ARHGAP15: variants seen among roughly 807,000 people sequenced by gnomAD.
ARHGAP15 encodes the protein Rho GTPase activating protein 15.
ARHGAP15 carries 51 observed loss-of-function variants against 63.7 expected under a neutral mutation model. The ratio of observed to expected loss-of-function variants is 0.80; its 90% CI spans 0.64 to 1.01. The LOEUF (loss-of-function observed/expected upper bound fraction) is 1.01. Among genes scored for constraint, ARHGAP15 ranks in the 50% least tolerant of loss-of-function variants. The pLI is 0.00. For missense variants in ARHGAP15, 560 were observed against 564.6 expected (o/e 0.99, Z 0.08); for synonymous variants, 191 against 193.8 (o/e 0.99, Z 0.12).
In ARHGAP15 at chr2:143,518,138, G is replaced by A. The variant is rs191506434; in HGVS notation, c.827-1128G>A. 2.1e-3 allele frequency among the ~76,000 whole-genome samples: 315 copies of A among 152,250 alleles called. 1 individual carries two copies. The highest frequency in any genetic ancestry group is 6.8e-3 in the Middle Eastern group (2 of 294). ...CATTGTGAATGTACTTAATGCCACC[G>A]AGTGGTACATTTAAAAATGGTGGAA... On this transcript the variant is annotated intron_variant, in intron 9 of 13. Transcript: ENST00000295095.
chr2:143,668,822 A>T (rs577100961), intron 12 of ARHGAP15, among the ~76,000 whole-genome samples: 1 of 152,222 alleles, frequency 6.6e-6, no homozygotes, highest in African/African-American at 2.4e-5. Flanking sequence ...ATTCTCCATA[A>T]AATCAAGGAT....
intron 6 of ARHGAP15, among the ~76,000 whole-genome samples, chr2:143,294,062 T>C (rs1334125646): frequency 6.6e-6 from 1 of 152,074 alleles, no homozygotes; most frequent in Admixed American, 6.6e-5. Context: ...TGATAAATGA[T>C]CATCTCCTCT....
chr2:143,654,683 C>T (rs539852271), intron 12 of ARHGAP15, among the ~76,000 whole-genome samples: 1 of 152,114 alleles, frequency 6.6e-6, no homozygotes, highest in Non-Finnish European at 1.5e-5. Flanking sequence ...CTAGTGTCAC[C>T]GTTTTGAACT....
chr2:143,554,712 A>C (rs1187015779), intron 10 of ARHGAP15, among the ~76,000 whole-genome samples: 1 of 152,154 alleles, frequency 6.6e-6, no homozygotes, highest in Non-Finnish European at 1.5e-5. Flanking sequence ...TAAGACCAAA[A>C]TAGACCAATA....
chr2:143,747,544 C>T (rs139658001), intron 13 of ARHGAP15, among the ~76,000 whole-genome samples: 1 of 152,252 alleles, frequency 6.6e-6, no homozygotes, highest in African/African-American at 2.4e-5. Flanking sequence ...ATTCCTCCCT[C>T]CCTCCCCAAA....
intron 5 of ARHGAP15, among the ~76,000 whole-genome samples, chr2:143,234,756 C>A (rs1193097187): frequency 6.6e-6 from 1 of 152,100 alleles, no homozygotes; most frequent in Non-Finnish European, 1.5e-5. Flanking sequence ...CTCCATTATT[C>A]TGGGTTTGAT....
intron 9 of ARHGAP15, among the ~76,000 whole-genome samples, chr2:143,510,674 G>A (rs1340187324): frequency 6.6e-6 from 1 of 152,124 alleles, no homozygotes; most frequent in East Asian, 1.9e-4. Flanking sequence ...TTTTTCCGTT[G>A]CTTGCAGCCA....
chr2:143,502,681 G>A lies in ARHGAP15; in HGVS notation c.826+15186G>A, dbSNP rs145553525. On this transcript the variant is annotated intron_variant, in intron 9 of 13. Transcript: ENST00000295095. ...TGCAACCTCCGTCTCCCAGGTTCAA[G>A]CAATTCTCCTGCCTCAGTCTCCTGG... 4.1e-3 allele frequency among the ~76,000 whole-genome samples: 622 copies of A among 152,092 alleles called. 4 individuals are homozygous for A. The highest frequency in any genetic ancestry group is 0.014 in the African/African-American group (589 of 41,516).
At chr2:143,759,324 C>A (rs1169915459) in intron 13 of ARHGAP15, among the ~76,000 whole-genome samples, 1 of 152,050 alleles carries the variant, frequency 6.6e-6, no homozygotes, top group East Asian at 1.9e-4. Context: ...AAGCATATGG[C>A]ACAATTCATT....
At chr2:143,724,319 C>A (rs993855997) in intron 13 of ARHGAP15, among the ~76,000 whole-genome samples, 1 of 152,134 alleles carries the variant, frequency 6.6e-6, no homozygotes, top group Non-Finnish European at 1.5e-5. Flanking sequence ...GTTACAATAC[C>A]TAATACCTCA....
chr2:143,151,347 T>C (rs1689809603), intron 1 of ARHGAP15, among the ~76,000 whole-genome samples: 1 of 152,008 alleles, frequency 6.6e-6, no homozygotes, highest in South Asian at 2.1e-4. Flanking sequence ...GAATGCAATG[T>C]TAATGTCCCA....
intron 2 of ARHGAP15, among the ~76,000 whole-genome samples, chr2:143,185,418 T>TA (rs199876395): frequency 0.017 from 2,534 of 152,340 alleles, 95 homozygotes; most frequent in African/African-American, 0.058. Flanking sequence ...GATTGGTTTT[T>TA]AATCTCTGAT....
chr2:143,291,598 G>A (rs958091631), intron 6 of ARHGAP15, among the ~76,000 whole-genome samples: 1 of 152,068 alleles, frequency 6.6e-6, no homozygotes. Context: ...AGCAGGCCAG[G>A]AGGCAGTGTG....
In ARHGAP15 at chr2:143,268,045, C is replaced by T. The variant is rs1681083349; in HGVS notation, c.474+17445C>T. On this transcript the variant is annotated intron_variant, in intron 6 of 13. Transcript: ENST00000295095. ...TGAGGCATAAACCTCATTTTTAATG[C>T]TCTAGATTTGTTACAACAAGTAAAA... Among the ~76,000 whole-genome samples the T allele has an allele frequency of 2.6e-5, 4 of 152,098 alleles. 1 individual carries two copies. The highest frequency in any genetic ancestry group is 2.6e-4 in the Admixed American group (4 of 15,272).
intron 5 of ARHGAP15, among the ~76,000 whole-genome samples, chr2:143,240,162 T>G (rs967766738): frequency 1.5e-4 from 23 of 151,656 alleles, no homozygotes; most frequent in Middle Eastern, 3.4e-3. Flanking sequence ...GGCAATAGAA[T>G]GAGACTCTGT....
intron 8 of ARHGAP15, among the ~76,000 whole-genome samples, chr2:143,473,566 G>A (rs1022018506): frequency 3.9e-5 from 6 of 152,116 alleles, no homozygotes; most frequent in Admixed American, 2.6e-4. Context: ...ATGTCTTACC[G>A]TGTCTTTCTC....
chr2:143,222,121 C>T (rs1310105269), intron 4 of ARHGAP15, among the ~76,000 whole-genome samples: 1 of 152,146 alleles, frequency 6.6e-6, no homozygotes, highest in East Asian at 1.9e-4. Flanking sequence ...CTTTTTGACC[C>T]ACCTTTTAGC....
intron 6 of ARHGAP15, among the ~76,000 whole-genome samples, chr2:143,364,914 G>A (rs1167050480): frequency 6.6e-6 from 1 of 152,156 alleles, no homozygotes; most frequent in African/African-American, 2.4e-5. Flanking sequence ...GCTGAGGCAC[G>A]AGAATTGCTT....
At chr2:143,442,406 G>A (rs920914801) in intron 8 of ARHGAP15, among the ~76,000 whole-genome samples, 4 of 151,942 alleles carry the variant, frequency 2.6e-5, no homozygotes, top group African/African-American at 9.7e-5. Flanking sequence ...CATTGCTTTC[G>A]ATCTAGTTTC....
Sources: allele counts gnomAD v4.1 joint callset (sites outside exome capture counted in the v4.1 genomes callset), GRCh38; gene constraint gnomAD v4.1.1; transcripts MANE v1.5; gene names NCBI Gene and HGNC (gene_info 2026-07-23, HGNC 2026-07-21).